The following PTPRK variants were observed in gnomAD, a reference collection of about 807,000 sequenced individuals.
The protein encoded by PTPRK is protein tyrosine phosphatase receptor type K.
Under a neutral mutation model 178.0 loss-of-function variants are expected in PTPRK, and 75 were observed. That is an observed-to-expected ratio of 0.42 (90% CI 0.35 to 0.51). The LOEUF (loss-of-function observed/expected upper bound fraction) is 0.51. Ranked by LOEUF, PTPRK falls within the 20% of genes least tolerant of loss-of-function variation. The pLI is 0.02. For missense variants in PTPRK, 1,441 were observed against 1,797.8 expected, an observed-to-expected ratio of 0.80 and a Z score of 3.59; for synonymous variants, 637 against 620.6, an observed-to-expected ratio of 1.03 and a Z score of -0.39.
chr6:128,077,249 T>C (rs1783998602), intron 11 of PTPRK, among the ~76,000 whole-genome samples: 1 of 152,046 alleles, frequency 6.6e-6, no homozygotes, highest in Admixed American at 6.6e-5. Context: ...AGGCATTTTC[T>C]CTTTCTACTT....
At chr6:128,358,230 G>T (rs1834215603) in intron 2 of PTPRK, among the ~76,000 whole-genome samples, 1 of 152,140 alleles carries the variant, frequency 6.6e-6, no homozygotes, top group Admixed American at 6.5e-5. Flanking sequence ...TTACTATAAT[G>T]GTCCTTGGCC....
intron 12 of PTPRK, among the ~76,000 whole-genome samples, chr6:128,065,645 AAAAG>A (rs1781620058): frequency 6.6e-6 from 1 of 152,196 alleles, no homozygotes; most frequent in African/African-American, 2.4e-5. Context: ...GATAATTTAT[AAAAG>A]AGTTTACAAT....
In PTPRK at chr6:127,981,308, C is replaced by T; in HGVS notation, c.3538-19G>A. 1.2e-6 allele frequency: 2 copies of T among 1,605,508 alleles called. No homozygotes were observed. On this transcript the variant is annotated intron_variant, in intron 24 of 29. Coordinates refer to ENST00000368226, the MANE Select transcript of PTPRK (RefSeq NM_002844.4). ...TCAGAGTCTAAAAAGAAAAGAGAAC[C>T]CAGGTTAAAAGACAGTGTGACCCAT...
chr6:128,130,796 G>C (rs1447159778), intron 7 of PTPRK, among the ~76,000 whole-genome samples: 1 of 151,974 alleles, frequency 6.6e-6, no homozygotes, highest in Non-Finnish European at 1.5e-5. Flanking sequence ...GATACCCAAG[G>C]CTCTGAAAAC....
chr6:128,311,942 A>G (rs1827297133), intron 3 of PTPRK, among the ~76,000 whole-genome samples: 1 of 152,214 alleles, frequency 6.6e-6, no homozygotes, highest in Admixed American at 6.5e-5. Flanking sequence ...TAACAAATTT[A>G]TTTGATCATA....
At chr6:128,512,206 C>T (rs1857293648) in intron 1 of PTPRK, among the ~76,000 whole-genome samples, 1 of 152,190 alleles carries the variant, frequency 6.6e-6, no homozygotes, top group African/African-American at 2.4e-5. Flanking sequence ...ACATTAGTGT[C>T]TAAATTAAGT....
chr6:128,361,734 T>C (rs1274106706), intron 2 of PTPRK, among the ~76,000 whole-genome samples: 2 of 152,142 alleles, frequency 1.3e-5, no homozygotes, highest in African/African-American at 4.8e-5. Flanking sequence ...AAAGGTACTA[T>C]AAAAATATAG....
At chr6:128,294,665 T>C (rs11964875) in intron 3 of PTPRK, among the ~76,000 whole-genome samples, 20,270 of 152,048 alleles carry the variant, frequency 0.13, 2,180 homozygotes, top group African/African-American at 0.3. Flanking sequence ...CTGATAGTAA[T>C]TAAAAATATA....
intron 14 of PTPRK, among the ~76,000 whole-genome samples, chr6:128,007,413 G>A (rs902841527): frequency 6.0e-5 from 9 of 150,766 alleles, no homozygotes; most frequent in Non-Finnish European, 1.3e-4. Context: ...GACAATCAAA[G>A]CATAATTATG....
intron 2 of PTPRK, 52 bp downstream of exon 2, chr6:128,397,514 T>C (rs1840470838): frequency 1.9e-6 from 3 of 1,593,696 alleles, no homozygotes; most frequent in East Asian, 4.5e-5. Context: ...AAGAAAATCA[T>C]AGATACTGCA....
intron 6 of PTPRK, among the ~76,000 whole-genome samples, chr6:128,191,187 T>TTAA (rs1365854171): frequency 2.0e-5 from 3 of 152,314 alleles, no homozygotes; most frequent in African/African-American, 7.2e-5. Context: ...TGGGATATTA[T>TTAA]ATATGTTTGT....
At chr6:128,396,396 C>T (rs1840307586) in intron 2 of PTPRK, among the ~76,000 whole-genome samples, 1 of 149,388 alleles carries the variant, frequency 6.7e-6, no homozygotes, top group Non-Finnish European at 1.5e-5. Context: ...TTGTTTCTTT[C>T]TAAATATTGG....
chr6:128,464,618 T>TACATATATATATATATATATAC (rs1849511734), intron 1 of PTPRK, among the ~76,000 whole-genome samples: 1 of 90,920 alleles, frequency 1.1e-5, no homozygotes, highest in African/African-American at 4.5e-5. Flanking sequence ...TATATACATA[T>TACATATATATATATATATATAC]ACATATATAT....
intron 9 of PTPRK, 100 bp from the exon 10 acceptor site, chr6:128,082,738 G>T: frequency 1.2e-6 from 1 of 805,884 alleles, no homozygotes; most frequent in Non-Finnish European, 1.8e-6. Flanking sequence ...CATCCATGTG[G>T]AGTCAATGGT....
intron 7 of PTPRK, among the ~76,000 whole-genome samples, chr6:128,173,351 A>G (rs1346091925): frequency 6.6e-6 from 1 of 152,060 alleles, no homozygotes; most frequent in African/African-American, 2.4e-5. Context: ...TAGTTCATGC[A>G]ATAAGATACT....
intron 1 of PTPRK, among the ~76,000 whole-genome samples, chr6:128,478,977 T>TCC (rs1288141005): frequency 6.6e-6 from 1 of 151,874 alleles, no homozygotes; most frequent in Non-Finnish European, 1.5e-5. Flanking sequence ...GCTCCTGGGC[T>TCC]CCCACTCCTC....
chr6:128,378,935 T>C (rs753220226), intron 2 of PTPRK, among the ~76,000 whole-genome samples: 1 of 152,134 alleles, frequency 6.6e-6, no homozygotes, highest in Non-Finnish European at 1.5e-5. Flanking sequence ...TTACTTGCTA[T>C]TGTTAAAATG....
chr6:128,384,002 C>A (rs1838323300), intron 2 of PTPRK, among the ~76,000 whole-genome samples: 1 of 152,094 alleles, frequency 6.6e-6, no homozygotes, highest in South Asian at 2.1e-4. Flanking sequence ...ATGCTTTATA[C>A]AGCTATTATT....
At chr6:128,171,357 A>G (rs1356119621) in intron 7 of PTPRK, among the ~76,000 whole-genome samples, 2 of 152,024 alleles carry the variant, frequency 1.3e-5, no homozygotes, top group African/African-American at 4.8e-5. Context: ...TGCCACAAGC[A>G]TGAGGTTGTT....
Sources: gnomAD v4.1 joint callset for allele counts (sites outside exome capture counted in the v4.1 genomes callset) on GRCh38, gnomAD v4.1.1 for gene constraint, MANE v1.5 for transcripts, NCBI Gene and HGNC (gene_info 2026-07-23, HGNC 2026-07-21) for gene names.